The following ATG7 variants were observed in gnomAD, a reference collection of about 807,000 sequenced individuals.
ATG7 encodes the protein autophagy related 7, also known as ubiquitin-like modifier-activating enzyme ATG7.
A neutral mutation model predicts 82.4 loss-of-function variants in ATG7; 70 were observed. The ratio of observed to expected loss-of-function variants is 0.85; its 90% CI spans 0.70 to 1.04. ATG7 has a LOEUF of 1.04. ATG7 is among the 50% of genes least tolerant of loss of function. ATG7 has a pLI of 0.00. For synonymous variants in ATG7, 287 were observed against 313.0 expected, an observed-to-expected ratio of 0.92 and a Z score of 0.88; for missense variants, 792 against 864.3, an observed-to-expected ratio of 0.92 and a Z score of 1.05.
At chr3:11,558,454 T>TGGG, downstream of ATG7, 1 of 1,064,154 alleles carries the variant, frequency 9.4e-7, no homozygotes, top group Non-Finnish European at 1.3e-6. Flanking sequence ...TCCCTTCCCT[T>TGGG]CCCCCCACCC....
chr3:11,335,697 A>AT (rs1010210825), intron 11 of ATG7, among the ~76,000 whole-genome samples: 14 of 151,780 alleles, frequency 9.2e-5, no homozygotes, highest in African/African-American at 2.2e-4. Flanking sequence ...TGATGCTGAC[A>AT]TTTTTTTTGC....
Position 11,358,446 on chromosome 3 carries a change from C to T in ATG7, c.1313C>T (p.Pro438Leu), listed in dbSNP as rs1351148670. 2 of 1,613,918 alleles carry T rather than the reference C, an allele frequency of 1.2e-6. No homozygotes were observed. The highest frequency in any genetic ancestry group is 1.7e-6 in the Non-Finnish European group (2 of 1,179,894). The change falls in exon 15 of 21, where the codon CCT becomes CTT. Residue 438 changes from proline (P) to leucine (L), a missense_variant. By Grantham distance (98) the Pro-to-Leu change is moderately conservative. Coordinates refer to ENST00000693202, the MANE Select transcript of ATG7 (RefSeq NM_001349232.2). ...GCCAGAGGATTCAACATGAGCATAC[C>T]TATGCCTGGGCATCCAGTGAACTTC... The part of the protein sequence containing the change: ...VNARGFNMSI[P>L]MPGHPVNFSS...
At chr3:11,428,807 G>A (rs1164397026) in intron 20 of ATG7, among the ~76,000 whole-genome samples, 1 of 152,218 alleles carries the variant, frequency 6.6e-6, no homozygotes, top group Non-Finnish European at 1.5e-5. Context: ...TTGTTAGCTA[G>A]AAGAATTTCA....
chr3:11,313,743 C>T (rs1341013446), intron 8 of ATG7, among the ~76,000 whole-genome samples: 1 of 152,146 alleles, frequency 6.6e-6, no homozygotes, highest in Non-Finnish European at 1.5e-5. Flanking sequence ...CCTGGGACTA[C>T]AGGCATCCCA....
At chr3:11,506,747 A>G (rs1473708272) in intron 20 of ATG7, among the ~76,000 whole-genome samples, 1 of 151,956 alleles carries the variant, frequency 6.6e-6, no homozygotes, top group Non-Finnish European at 1.5e-5. Flanking sequence ...GTCTGAAAAC[A>G]AAACAAAGCA....
intron 19 of ATG7, among the ~76,000 whole-genome samples, chr3:11,409,776 T>TC (rs1491100129): frequency 8.3e-5 from 2 of 24,074 alleles, no homozygotes; most frequent in African/African-American, 1.9e-4. Context: ...GTCTAGATTC[T>TC]TTTTTTTTTT....
intron 20 of ATG7, among the ~76,000 whole-genome samples, chr3:11,515,407 G>T (rs951513199): frequency 6.6e-6 from 1 of 152,088 alleles, no homozygotes; most frequent in East Asian, 1.9e-4. Context: ...CGGTTCAAGC[G>T]ATTGTCCTGC....
At chr3:11,574,118 G>A in the ATG7 span, among the ~76,000 whole-genome samples, 8 of 152,254 alleles carry the variant, frequency 5.3e-5, no homozygotes, top group Admixed American at 1.3e-4. Context: ...CACCAGGAAC[G>A]GTGAGACAAT....
At chr3:11,528,501 C>A (rs905141278) in intron 20 of ATG7, among the ~76,000 whole-genome samples, 1 of 152,114 alleles carries the variant, frequency 6.6e-6, no homozygotes, top group Non-Finnish European at 1.5e-5. Context: ...GACATAGAGT[C>A]TACCAGAGGA....
rs1575615405 is a variant in ATG7, at chr3:11,349,431, A to G, written c.1284+1396A>G. Among the ~76,000 whole-genome samples, 3 of 152,242 alleles carry G rather than the reference A, an allele frequency of 2.0e-5. No homozygotes were observed. The South Asian group carries it at 6.2e-4, about 32-fold the overall frequency. On this transcript the variant is annotated intron_variant, in intron 14 of 20. Coordinates refer to ENST00000693202, the MANE Select transcript of ATG7 (RefSeq NM_001349232.2). ...GTGCATCTGTAGTCCCAGCTACACT[A>G]GTGGCTGAAACAAAAGGATTGCTTG...
intron 1 of ATG7, among the ~76,000 whole-genome samples, chr3:11,273,378 CTT>C (rs1940953592): frequency 6.6e-6 from 1 of 152,198 alleles, no homozygotes. Flanking sequence ...AGTTCTGACT[CTT>C]AGGTTGAGCT....
chr3:11,570,723 T>C, the ATG7 span, among the ~76,000 whole-genome samples: 1 of 152,222 alleles, frequency 6.6e-6, no homozygotes, highest in South Asian at 2.1e-4. Flanking sequence ...ATTTAAATGT[T>C]GGGCATAAAC....
rs1247037909 is a variant in ATG7 at position 11,410,165 on chromosome 3, A to G, written c.1957-16639A>G. ...TAGGTCAAATTGGGAAAAACTTGAC[A>G]TCTCGACATATTAAGTCCTCCTATC... On this transcript the variant is annotated intron_variant, in intron 19 of 20. Coordinates refer to ENST00000693202, the MANE Select transcript of ATG7 (RefSeq NM_001349232.2). Among the ~76,000 whole-genome samples the G allele has an allele frequency of 3.9e-5, 6 of 152,206 alleles. No homozygotes were observed. In the East Asian group the frequency reaches 1.2e-3, roughly 29 times the overall value.
chr3:11,328,697 A>G (rs578262661), intron 9 of ATG7, among the ~76,000 whole-genome samples: 2 of 152,372 alleles, frequency 1.3e-5, no homozygotes, highest in South Asian at 4.1e-4. Flanking sequence ...AAAATTTGGT[A>G]CATCAATACA....
chr3:11,559,751 A>G (rs532436977), downstream of ATG7, among the ~76,000 whole-genome samples: 2 of 152,302 alleles, frequency 1.3e-5, no homozygotes, highest in African/African-American at 2.4e-5. Context: ...CTGTTAAGAC[A>G]AACACCGGGC....
intron 20 of ATG7, among the ~76,000 whole-genome samples, chr3:11,458,825 C>T (rs1005915955): frequency 2.0e-5 from 3 of 152,306 alleles, no homozygotes; most frequent in Middle Eastern, 3.4e-3. Flanking sequence ...GTTAGGAACC[C>T]GATCGCGCAG....
the ATG7 span, among the ~76,000 whole-genome samples, chr3:11,575,932 A>AGC: frequency 6.6e-6 from 1 of 152,258 alleles, no homozygotes; most frequent in African/African-American, 2.4e-5. Flanking sequence ...GCTGGCCAGC[A>AGC]GCGCGGAGCC....
At chr3:11,519,889 TC>T (rs2092398181) in intron 20 of ATG7, among the ~76,000 whole-genome samples, 1 of 151,960 alleles carries the variant, frequency 6.6e-6, no homozygotes, top group African/African-American at 2.4e-5. Context: ...ACCTTAAGCA[TC>T]TTTTGTTTCA....
rs557110874 is a variant in ATG7 at position 11,443,193 on chromosome 3, C to T, written c.2079+16267C>T. ...TCTGTGTGGGGCGTGCTCCCACCTCCAGCCTGCTCAGCTGATCTTTTGTTC... is the reference window on the plus strand; with the variant it reads ...TCTGTGTGGGGCGTGCTCCCACCTCTAGCCTGCTCAGCTGATCTTTTGTTC... On this transcript the variant is annotated intron_variant, in intron 20 of 20. Transcript: ENST00000693202. Among the ~76,000 whole-genome samples the T allele has an allele frequency of 2.8e-4, 42 of 152,306 alleles. 1 individual carries two copies. The highest frequency in any genetic ancestry group is 1.0e-4 in the Non-Finnish European group (7 of 68,034).
Sources: gnomAD v4.1 joint callset for allele counts (sites outside exome capture counted in the v4.1 genomes callset) on GRCh38, gnomAD v4.1.1 for gene constraint, MANE v1.5 for transcripts, NCBI Gene and HGNC (gene_info 2026-07-23, HGNC 2026-07-21) for gene names.